Variants in ACTL6A observed in about 807,000 individuals in gnomAD.
ACTL6A encodes actin-like protein 6A.
In ACTL6A, 5 loss-of-function variants were observed where a neutral mutation model predicts 59.2. The ratio of observed to expected loss-of-function variants is 0.08; its 90% confidence interval spans 0.04 to 0.18. The LOEUF is 0.18. Among genes scored for constraint, ACTL6A ranks in the 10% least tolerant of loss-of-function variants. ACTL6A has a pLI of 1.00. For missense variants in ACTL6A, 285 were observed against 526.9 expected (o/e 0.54, Z 4.49); for synonymous variants, 154 against 171.8 (o/e 0.90, Z 0.81).
At chr3:179,574,337 A>T in intron 4 of ACTL6A, 33 bp from the exon 5 acceptor site, 2 of 1,380,598 alleles carry the variant, frequency 1.4e-6, no homozygotes, top group Non-Finnish European at 2.1e-6. Flanking sequence ...TTAATTCTTA[A>T]TAACTTGCAT....
chr3:179,585,091 T>A (rs1304120153), intron 12 of ACTL6A, among the ~76,000 whole-genome samples: 1 of 152,076 alleles, frequency 6.6e-6, no homozygotes. Flanking sequence ...ATTGATTGAT[T>A]GGAGATTTAT....
rs1210261504 is a variant in ACTL6A at position 179,564,104 on chromosome 3, CT to C, written c.25+988del. ...TGCAAGCCTGTTAGAAATGCAGGAT[CT>C]CACGCGTCATTCAGAATCTACTGAT... On this transcript the variant is annotated intron_variant, in intron 1 of 13. Transcript: ENST00000429709. Among the ~76,000 whole-genome samples the C allele has an allele frequency of 2.5e-4, 38 of 152,308 alleles. No individual in the cohort carries two copies. The Middle Eastern group carries it at 0.01, about 41-fold the overall frequency.
chr3:179,583,859 G>T (rs569684471), intron 12 of ACTL6A: 1 of 153,992 alleles, frequency 6.5e-6, no homozygotes, highest in African/African-American at 2.4e-5. Flanking sequence ...AGAAGCTATA[G>T]TTTGAATGAA....
chr3:179,588,372 C>G lies in ACTL6A; in HGVS notation c.*362C>G, dbSNP rs1718576283. ...GCCTATGCTTTTTACCTTAGGCTTACAGAATTAAATAAAAATTAGCCATTC... is the reference window on the plus strand; with the variant it reads ...GCCTATGCTTTTTACCTTAGGCTTAGAGAATTAAATAAAAATTAGCCATTC... On this transcript the variant is annotated 3_prime_UTR_variant, in exon 14 of 14. Coordinates refer to ENST00000429709, the MANE Select transcript of ACTL6A (RefSeq NM_004301.5). The G allele has an allele frequency of 5.1e-6, 1 of 194,230 alleles. No homozygotes were observed. The highest frequency in any genetic ancestry group is 1.0e-5 in the Non-Finnish European group (1 of 96,912). The allele number at this position is 194,230 out of a possible 1,614,324, so 12.0% of individuals were successfully genotyped here.
intron 12 of ACTL6A, among the ~76,000 whole-genome samples, chr3:179,584,644 A>C (rs956776305): frequency 6.6e-6 from 1 of 151,688 alleles, no homozygotes; most frequent in Admixed American, 6.6e-5. Context: ...AATTAGCCGG[A>C]CACGGTGGCA....
chr3:179,564,525 C>G (rs978559408), intron 1 of ACTL6A, among the ~76,000 whole-genome samples: 6 of 152,264 alleles, frequency 3.9e-5, no homozygotes, highest in Admixed American at 3.3e-4. Flanking sequence ...CTCCCATGGC[C>G]ACTCTCCTAC....
Position 179,568,353 on chromosome 3 carries a change from A to G in ACTL6A, c.26-1471A>G, listed in dbSNP as rs1017521257. The stretch of plus-strand genomic sequence containing the variant: ...CACCTGTAAGTTTGTATGTAATACA[A>G]TACTGCATTCACCAGTGAGATTAAA... On this transcript the variant is annotated intron_variant, in intron 1 of 13. Coordinates refer to ENST00000429709, the MANE Select transcript of ACTL6A (RefSeq NM_004301.5). Among the ~76,000 whole-genome samples, 7 of 152,148 alleles carry G rather than the reference A, an allele frequency of 4.6e-5. No individual in the cohort carries two copies. In the East Asian group the frequency reaches 5.8e-4, roughly 13 times the overall value.
At chr3:179,566,417 A>G (rs1237236370) in intron 1 of ACTL6A, among the ~76,000 whole-genome samples, 1 of 152,200 alleles carries the variant, frequency 6.6e-6, no homozygotes, top group African/African-American at 2.4e-5. Flanking sequence ...CTTCTTTTAT[A>G]AACATTTAAA....
chr3:179,576,510 C>T (rs985100935), intron 6 of ACTL6A, 110 bp from the exon 7 acceptor site: 2 of 891,898 alleles, frequency 2.2e-6, no homozygotes, highest in African/African-American at 3.3e-5. Flanking sequence ...AAGGATAGTT[C>T]AGTTCATTCT....
chr3:179,581,012 T>C lies in ACTL6A; in HGVS notation c.945+4T>C. 2 of 1,597,406 alleles carry C rather than the reference T, an allele frequency of 1.3e-6. No individual in the cohort carries two copies. Among genetic ancestry groups the C allele is most frequent in the South Asian group, 2.3e-5 (2 of 88,104 alleles). Reference sequence around the variant, plus strand: ...ATTTGACCCTTCCAATGTAAAGGTATAAAAGCTTATTTCATAATTAGCCTG... The same window carrying C: ...ATTTGACCCTTCCAATGTAAAGGTACAAAAGCTTATTTCATAATTAGCCTG... On this transcript the variant is annotated splice_donor_region_variant and intron_variant, in intron 10 of 13. Transcript: ENST00000429709.
intron 1 of ACTL6A, among the ~76,000 whole-genome samples, chr3:179,568,755 T>A (rs1250893597): frequency 6.6e-6 from 1 of 152,204 alleles, no homozygotes; most frequent in Non-Finnish European, 1.5e-5. Flanking sequence ...TATTTCTGCC[T>A]TTTCCTATGG....
chr3:179,566,817 G>A (rs985993458), intron 1 of ACTL6A, among the ~76,000 whole-genome samples: 3 of 152,144 alleles, frequency 2.0e-5, no homozygotes, highest in African/African-American at 4.8e-5. Context: ...GGCCTCCAGA[G>A]TAGCTAGGAC....
At chr3:179,577,970 A>C (rs1211816028) in intron 8 of ACTL6A, among the ~76,000 whole-genome samples, 1 of 152,140 alleles carries the variant, frequency 6.6e-6, no homozygotes, top group Non-Finnish European at 1.5e-5. Flanking sequence ...TGTCTTTATG[A>C]TAAACTGATT....
chr3:179,578,378 C>T (rs1474726660), intron 8 of ACTL6A, among the ~76,000 whole-genome samples: 1 of 152,130 alleles, frequency 6.6e-6, no homozygotes, highest in Non-Finnish European at 1.5e-5. Flanking sequence ...TGCTTGAACC[C>T]AGGAGATGGA....
chr3:179,570,748 TCAGTAGCAGGAAAGGTAGGCAGAGAG>T lies in ACTL6A; in HGVS notation c.277+530_277+555del, dbSNP rs1560010407. On this transcript the variant is annotated intron_variant, in intron 3 of 13. Transcript: ENST00000429709. This position sits in a 1 kb window ranked among gnomAD's most constrained non-coding sequence, Gnocchi z 4.3. ...GGTTGCAGCATTGGGCTTATTAGGG[TCAGTAGCAGGAAAGGTAGGCAGAGAG>T]CAGTAGCAGGAAAGGTAGGCAGGGA... is the stretch of plus-strand genomic sequence containing the variant. 2.0e-5 allele frequency among the ~76,000 whole-genome samples: 3 copies of T among 152,032 alleles called. No individual in the cohort carries two copies. Among genetic ancestry groups the T allele is most frequent in the Admixed American group, 6.6e-5 (1 of 15,254 alleles).
intron 1 of ACTL6A, among the ~76,000 whole-genome samples, chr3:179,563,435 C>T (rs753953590): frequency 6.6e-6 from 1 of 152,240 alleles, no homozygotes; most frequent in African/African-American, 2.4e-5. Context: ...TAGCCGGCCG[C>T]CGGGCCCCGG....
At chr3:179,572,997 T>TA (rs1433402586) in intron 3 of ACTL6A, among the ~76,000 whole-genome samples, 42 of 151,686 alleles carry the variant, frequency 2.8e-4, no homozygotes, top group African/African-American at 1.0e-3. Flanking sequence ...TTTTTTTTTT[T>TA]TATAAATCCA....
chr3:179,566,524 A>T (rs537656180), intron 1 of ACTL6A, among the ~76,000 whole-genome samples: 1 of 152,326 alleles, frequency 6.6e-6, no homozygotes, highest in East Asian at 1.9e-4. Context: ...AACAACAGAA[A>T]TTAGTTTTCT....
chr3:179,583,572 T>C, intron 12 of ACTL6A, 124 bp downstream of exon 12: 1 of 670,654 alleles, frequency 1.5e-6, no homozygotes, highest in Non-Finnish European at 2.5e-6. Context: ...CCTGGTATAG[T>C]ATCACTAAAG....
Sources: allele counts gnomAD v4.1 joint callset (sites outside exome capture counted in the v4.1 genomes callset), GRCh38; gene constraint gnomAD v4.1.1; non-coding constraint Gnocchi (gnomAD v3.1); transcripts MANE v1.5; gene names NCBI Gene and HGNC (gene_info 2026-07-23, HGNC 2026-07-21).